The following SPART variants were observed in gnomAD, a reference collection of about 807,000 sequenced individuals.
SPART encodes spastic paraplegia 20 (Troyer syndrome).
SPART carries 35 observed loss-of-function variants against 58.7 expected under a neutral mutation model. The ratio of observed to expected loss-of-function variants is 0.60; its 90% CI spans 0.46 to 0.79. The LOEUF (loss-of-function observed/expected upper bound fraction) is 0.79. Among genes scored for constraint, SPART ranks in the 30% least tolerant of loss-of-function variants. The pLI is 0.00. For missense variants in SPART, 730 were observed against 786.1 expected (o/e 0.93, Z 0.85); for synonymous variants, 284 against 280.7 (o/e 1.01, Z -0.12).
intron 5 of SPART, among the ~76,000 whole-genome samples, chr13:36,316,722 T>C (rs1250256410): frequency 1.3e-5 from 2 of 152,222 alleles, no homozygotes; most frequent in African/African-American, 2.4e-5. Context: ...AACAGCCTTG[T>C]TGCTCACACA....
rs140222511 is a variant in SPART at position 36,329,371 on chromosome 13, A to C, written c.1155T>G (p.Arg385=). The change falls in exon 4 of 9, where the codon CGT becomes CGG. Residue 385 remains arginine (R), a synonymous_variant. Coordinates refer to ENST00000438666, the MANE Select transcript of SPART (RefSeq NM_015087.5). ...GNKDVRHKGK[R]GKRAKDTSSE... ...TTACTCTTTTATTTACCCTTTTTCC[A>C]CGTTTTCCTTTATGACGTACATCCT... 485 of 1,614,042 alleles carry C rather than the reference A, an allele frequency of 3.0e-4. 3 individuals carry two copies. In the African/African-American group the frequency reaches 5.4e-3, roughly 18 times the overall value.
chr13:36,352,422 A>G (rs1885453347), intron 1 of SPART, among the ~76,000 whole-genome samples: 1 of 152,196 alleles, frequency 6.6e-6, no homozygotes, highest in African/African-American at 2.4e-5. Flanking sequence ...TATATGTGTA[A>G]CAGAGTGGTG....
intron 6 of SPART, 97 bp downstream of exon 6, chr13:36,314,130 A>T (rs1032846169): frequency 8.1e-7 from 1 of 1,233,152 alleles, no homozygotes; most frequent in Admixed American, 1.9e-5. Flanking sequence ...TTTATTCTTG[A>T]GATTAAACCA....
rs566620291 is a variant in SPART at position 36,301,756 on chromosome 13, C to T, written c.*2609G>A. The stretch of plus-strand genomic sequence containing the variant: ...AAATACCTGGCATTATTTTGCAAAA[C>T]TTGACAAGCCAACAACTCCACTCTT... On this transcript the variant is annotated 3_prime_UTR_variant, in exon 9 of 9. Coordinates refer to ENST00000438666, the MANE Select transcript of SPART (RefSeq NM_015087.5). 2.6e-5 allele frequency: 4 copies of T among 152,264 alleles called. No individual in the cohort carries two copies. The highest frequency in any genetic ancestry group is 2.1e-4 in the South Asian group (1 of 4,824). 9.4% of individuals were successfully genotyped at this position (152,264 alleles called of 1,614,324 possible).
chr13:36,341,832 A>G (rs1338794590), intron 1 of SPART, among the ~76,000 whole-genome samples: 2 of 152,228 alleles, frequency 1.3e-5, no homozygotes, highest in Non-Finnish European at 2.9e-5. Context: ...TTGACCATAT[A>G]CAGACCCACG....
At position 36,302,422 on chromosome 13, in the gene SPART, T is replaced by G. The variant is rs999287866; in HGVS notation, c.*1943A>C. Reference sequence around the variant, plus strand: ...ATACTCTCTGATGCAACTATTCAACTCTCACGTTGAACTAGACAGCAGCCA... The same window carrying G: ...ATACTCTCTGATGCAACTATTCAACGCTCACGTTGAACTAGACAGCAGCCA... On this transcript the variant is annotated 3_prime_UTR_variant, in exon 9 of 9. Coordinates refer to ENST00000438666, the MANE Select transcript of SPART (RefSeq NM_015087.5). 1.3e-5 allele frequency: 2 copies of G among 152,164 alleles called. No individual in the cohort carries two copies. Among genetic ancestry groups the G allele is most frequent in the Non-Finnish European group, 2.9e-5 (2 of 68,042 alleles). 9.4% of individuals were successfully genotyped at this position (152,164 alleles called of 1,614,324 possible).
At chr13:36,326,257 T>A (rs1484702080) in intron 5 of SPART, 2 of 354,196 alleles carry the variant, frequency 5.6e-6, no homozygotes, top group Non-Finnish European at 1.1e-5. Flanking sequence ...AGGGGGAGGT[T>A]AAGAGGGAGC....
chr13:36,322,070 C>T (rs1255839795), intron 5 of SPART, among the ~76,000 whole-genome samples: 1 of 152,156 alleles, frequency 6.6e-6, no homozygotes, highest in African/African-American at 2.4e-5. Context: ...AAAATGGCCC[C>T]ACCCTTATCT....
At chr13:36,333,040 C>T (rs1593260100) in intron 2 of SPART, among the ~76,000 whole-genome samples, 3 of 150,332 alleles carry the variant, frequency 2.0e-5, no homozygotes, top group East Asian at 2.0e-4. Flanking sequence ...TAAACTATTC[C>T]ATGGTTTCTT....
chr13:36,369,977 A>G (rs1886208364), intron 1 of SPART: 1 of 152,232 alleles, frequency 6.6e-6, no homozygotes, highest in South Asian at 2.1e-4. Flanking sequence ...GCCCTTAAAA[A>G]TAAAGCTCCT....
chr13:36,304,627 C>T lies in SPART; in HGVS notation c.1739G>A (p.Gly580Glu), dbSNP rs1267459004. The change falls in exon 9 of 9, where the codon GGA (glycine) becomes GAA (glutamate). Residue 580 changes from glycine (G) to glutamate (E), a missense_variant. By Grantham distance (98) the Gly-to-Glu change is moderately conservative. Coordinates refer to ENST00000438666, the MANE Select transcript of SPART (RefSeq NM_015087.5). ...ETVQTVRYKY[G>E]YNAGEATHHA... is the part of the protein sequence containing the mutation. ...GTGGGTAGCTTCTCCTGCATTATAT[C>T]CGTATCTTTAAAAGAAAGATTAGAG... 3 of 1,613,740 alleles carry T rather than the reference C, an allele frequency of 1.9e-6. No homozygotes were observed. The highest frequency in any genetic ancestry group is 1.7e-5 in the Admixed American group (1 of 59,914).
At chr13:36,319,955 AAAC>A (rs1470902610) in intron 5 of SPART, among the ~76,000 whole-genome samples, 12 of 152,142 alleles carry the variant, frequency 7.9e-5, no homozygotes, top group East Asian at 1.9e-4. Context: ...ACCTTCTACA[AAAC>A]AACAACTCCT....
At chr13:36,326,507 A>G (rs775089122) in intron 5 of SPART, 68 bp downstream of exon 5, 4 of 1,584,226 alleles carry the variant, frequency 2.5e-6, no homozygotes, top group Admixed American at 3.3e-5. Flanking sequence ...TCCCTAATAA[A>G]CAATATCTTT....
intron 1 of SPART, among the ~76,000 whole-genome samples, chr13:36,367,767 A>C (rs1299348519): frequency 6.6e-6 from 1 of 152,148 alleles, no homozygotes; most frequent in Non-Finnish European, 1.5e-5. Context: ...TTCACAGGTG[A>C]TATCTCCTCA....
rs1370490432 is a variant in SPART at position 36,302,195 on chromosome 13, GTGT to G, written c.*2167_*2169del. On this transcript the variant is annotated 3_prime_UTR_variant, in exon 9 of 9. Coordinates refer to ENST00000438666, the MANE Select transcript of SPART (RefSeq NM_015087.5). Reference sequence around the variant, plus strand: ...GTCTTTAGGTGTGATGAGTTTTTAAGTGTTGTTATTCATCATACCTTACAAGTA... The same window carrying G: ...GTCTTTAGGTGTGATGAGTTTTTAAGTGTTATTCATCATACCTTACAAGTA... 1.3e-5 allele frequency: 2 copies of G among 151,980 alleles called. No homozygotes were observed. The highest frequency in any genetic ancestry group is 2.9e-5 in the Non-Finnish European group (2 of 67,998). The allele number at this position is 151,980 out of a possible 1,614,324, so 9.4% of individuals were successfully genotyped here.
chr13:36,307,501 A>T (rs990849663), intron 8 of SPART, among the ~76,000 whole-genome samples: 1 of 152,140 alleles, frequency 6.6e-6, no homozygotes, highest in African/African-American at 2.4e-5. Context: ...TACAGGAAAA[A>T]AAGTCTATTA....
intron 5 of SPART, among the ~76,000 whole-genome samples, chr13:36,316,810 G>A (rs1282043224): frequency 2.0e-5 from 3 of 152,092 alleles, no homozygotes; most frequent in Non-Finnish European, 4.4e-5. Context: ...CCTCCCTTAG[G>A]AGATCAATCC....
intron 6 of SPART, among the ~76,000 whole-genome samples, chr13:36,313,405 T>C (rs1261434807): frequency 6.6e-6 from 1 of 152,218 alleles, no homozygotes; most frequent in Non-Finnish European, 1.5e-5. Context: ...ATTACTTTGT[T>C]TTTAAAATAA....
chr13:36,304,681 T>G (rs746712775), intron 8 of SPART, 49 bp from the exon 9 acceptor site: 1 of 1,574,938 alleles, frequency 6.3e-7, no homozygotes, highest in Non-Finnish European at 8.7e-7. Flanking sequence ...AAATATAAAA[T>G]AAGGTCTTCT....
Sources: gnomAD v4.1 joint callset for allele counts (sites outside exome capture counted in the v4.1 genomes callset) on GRCh38, gnomAD v4.1.1 for gene constraint, MANE v1.5 for transcripts, NCBI Gene and HGNC (gene_info 2026-07-23, HGNC 2026-07-21) for gene names.